The following TP63 variants were observed in gnomAD, a reference collection of about 807,000 sequenced individuals.
The protein encoded by TP63 is tumor protein 63.
Under a neutral mutation model 82.8 loss-of-function variants are expected in TP63, and 17 were observed. The observed-to-expected ratio is 0.21, with a 90% CI of 0.14 to 0.31. The LOEUF is 0.31. Among genes scored for constraint, TP63 ranks in the 10% least tolerant of loss-of-function variants. TP63 has a pLI of 1.00. For synonymous variants in TP63, 330 were observed against 321.7 expected (o/e 1.03, Z -0.28); for missense variants, 648 against 895.3 (o/e 0.72, Z 3.52).
the TP63 span, among the ~76,000 whole-genome samples, chr3:189,607,749 G>A: frequency 6.6e-6 from 1 of 151,944 alleles, no homozygotes; most frequent in African/African-American, 2.4e-5. Flanking sequence ...CCAAACCCAG[G>A]AGGAAATGCC....
rs149079013 is a variant in TP63, at chr3:189,862,308, A to G, written c.580-1924A>G. The stretch of plus-strand genomic sequence containing the variant: ...GCAGAACTCAGTAAACGATGAAGCT[A>G]TTATTATTTATCATTAATTAAGCTT... On this transcript the variant is annotated intron_variant, in intron 4 of 13. Coordinates refer to ENST00000264731, the MANE Select transcript of TP63 (RefSeq NM_003722.5). Among the ~76,000 whole-genome samples, 567 of 152,268 alleles carry G rather than the reference A, an allele frequency of 3.7e-3. 7 individuals are homozygous for G. The highest frequency in any genetic ancestry group is 0.013 in the African/African-American group (550 of 41,558).
At chr3:189,872,821 T>G (rs1718595065) in intron 9 of TP63, 38 bp from the exon 10 acceptor site, 2 of 1,613,824 alleles carry the variant, frequency 1.2e-6, no homozygotes, top group Non-Finnish European at 1.7e-6. Context: ...TTCTACAGCT[T>G]TTCATGTTTC....
chr3:189,806,040 C>CTTTTTT (rs34836784), intron 3 of TP63, among the ~76,000 whole-genome samples: 5 of 52,078 alleles, frequency 9.6e-5, no homozygotes, highest in Admixed American at 5.5e-4. Context: ...GAAGCAAACA[C>CTTTTTT]TTTTTTTTTT....
intron 1 of TP63, among the ~76,000 whole-genome samples, chr3:189,711,021 C>G (rs1718556670): frequency 6.6e-6 from 1 of 152,116 alleles, no homozygotes; most frequent in Admixed American, 6.5e-5. Flanking sequence ...AATTATAATG[C>G]CTCTCTGTTC....
chr3:189,856,297 C>T (rs12106692), intron 4 of TP63, among the ~76,000 whole-genome samples: 39,912 of 150,756 alleles, frequency 0.26, 5,555 homozygotes, highest in Middle Eastern at 0.35. Flanking sequence ...ATTTGATATA[C>T]TGGTTATGAG....
chr3:189,790,939 T>C (rs1725071649), intron 3 of TP63, among the ~76,000 whole-genome samples: 1 of 152,156 alleles, frequency 6.6e-6, no homozygotes, highest in South Asian at 2.1e-4. Context: ...ACTCCTGAAC[T>C]GTGTAAATAC....
chr3:189,795,095 C>T (rs970491012), intron 3 of TP63, among the ~76,000 whole-genome samples: 1 of 152,024 alleles, frequency 6.6e-6, no homozygotes, highest in African/African-American at 2.4e-5. Context: ...ATTATATAGT[C>T]ACTCTGTAAA....
chr3:189,775,588 T>G (rs1214217986), intron 3 of TP63, among the ~76,000 whole-genome samples: 3 of 152,212 alleles, frequency 2.0e-5, no homozygotes, highest in African/African-American at 7.2e-5. Context: ...CTTGGGCAAC[T>G]ATTATACTTC....
the TP63 span, among the ~76,000 whole-genome samples, chr3:189,616,531 C>T: frequency 6.6e-6 from 1 of 152,160 alleles, no homozygotes; most frequent in Non-Finnish European, 1.5e-5. Flanking sequence ...CTCCTTCATC[C>T]AGTCTTAGAA....
chr3:189,810,193 C>T (rs1727378856), intron 4 of TP63, among the ~76,000 whole-genome samples: 2 of 152,154 alleles, frequency 1.3e-5, no homozygotes, highest in African/African-American at 4.8e-5. Context: ...GCGATGGATA[C>T]TGCAGGTGAG....
chr3:189,837,967 T>A (rs538959871), intron 4 of TP63, among the ~76,000 whole-genome samples: 1 of 152,312 alleles, frequency 6.6e-6, no homozygotes, highest in South Asian at 2.1e-4. Context: ...GCTTTTACAA[T>A]TAAATTTTAA....
At chr3:189,703,047 G>A (rs1294786787) in intron 1 of TP63, among the ~76,000 whole-genome samples, 3 of 152,178 alleles carry the variant, frequency 2.0e-5, no homozygotes, top group Non-Finnish European at 2.9e-5. Flanking sequence ...AGAAAAACTA[G>A]GCTAGGTTTA....
At chr3:189,733,358 T>A (rs953046771) in intron 1 of TP63, among the ~76,000 whole-genome samples, 1 of 152,190 alleles carries the variant, frequency 6.6e-6, no homozygotes, top group African/African-American at 2.4e-5. Flanking sequence ...TTGGTCACAT[T>A]ATCTATCAGT....
intron 8 of TP63, 86 bp downstream of exon 8, chr3:189,868,802 T>G (rs1224344607): frequency 1.2e-6 from 2 of 1,606,902 alleles, no homozygotes; most frequent in African/African-American, 1.3e-5. Context: ...AGCTGCATGA[T>G]AAGACCTGTG....
intron 3 of TP63, chr3:189,789,596 G>T: frequency 2.4e-6 from 3 of 1,239,496 alleles, no homozygotes; most frequent in Non-Finnish European, 3.1e-6. Context: ...GACAGGTAAA[G>T]AGAAGAGTCC....
chr3:189,784,637 A>G (rs944264964), intron 3 of TP63, among the ~76,000 whole-genome samples: 1 of 152,246 alleles, frequency 6.6e-6, no homozygotes, highest in Non-Finnish European at 1.5e-5. Context: ...ATGTATACAA[A>G]TAAAAAATTA....
intron 3 of TP63, among the ~76,000 whole-genome samples, chr3:189,753,916 AG>A (rs1721999245): frequency 6.6e-6 from 1 of 152,156 alleles, no homozygotes; most frequent in African/African-American, 2.4e-5. Context: ...TTCAAATGGA[AG>A]GTAGAAACAT....
At chr3:189,606,746 A>G in the TP63 span, among the ~76,000 whole-genome samples, 2 of 152,064 alleles carry the variant, frequency 1.3e-5, no homozygotes, top group African/African-American at 4.8e-5. Flanking sequence ...CCTGGCCTCA[A>G]GTGATCTGCC....
chr3:189,742,872 G>C (rs1441984863), intron 3 of TP63, among the ~76,000 whole-genome samples: 2 of 152,122 alleles, frequency 1.3e-5, no homozygotes, highest in Non-Finnish European at 2.9e-5. Flanking sequence ...CCTGAGATTG[G>C]CAACACATTG....
Sources: allele counts gnomAD v4.1 joint callset (sites outside exome capture counted in the v4.1 genomes callset), GRCh38; gene constraint gnomAD v4.1.1; transcripts MANE v1.5; gene names NCBI Gene and HGNC (gene_info 2026-07-23, HGNC 2026-07-21).